The following YTHDC1 variants were observed in gnomAD, a reference collection of about 807,000 sequenced individuals.
YTHDC1 encodes the protein YTH N6-methyladenosine RNA binding protein C1, also known as YTH domain-containing protein 1.
YTHDC1 carries 12 observed loss-of-function variants against 107.0 expected under a neutral mutation model. That is an observed-to-expected ratio of 0.11 (90% CI 0.07 to 0.18). The LOEUF is 0.18. YTHDC1 is among the 10% of genes least tolerant of loss of function. The pLI is 1.00. For missense variants in YTHDC1, 635 were observed against 898.8 expected, an observed-to-expected ratio of 0.71 and a Z score of 3.75; for synonymous variants, 280 against 289.5, an observed-to-expected ratio of 0.97 and a Z score of 0.33.
At chr4:68,319,388 CTTCTT>C (rs1722203460) in intron 12 of YTHDC1, among the ~76,000 whole-genome samples, 2 of 152,120 alleles carry the variant, frequency 1.3e-5, no homozygotes, top group South Asian at 4.1e-4. Context: ...CTTTCCCCTG[CTTCTT>C]TTAATAAGAA....
intron 7 of YTHDC1, among the ~76,000 whole-genome samples, chr4:68,330,724 C>G (rs986102749): frequency 1.3e-5 from 2 of 152,086 alleles, no homozygotes; most frequent in Non-Finnish European, 2.9e-5. Flanking sequence ...TAAAATTACT[C>G]TATTAGTCAA....
chr4:68,337,089 C>A lies in YTHDC1; in HGVS notation c.821G>T (p.Gly274Val), dbSNP rs145769396. The A allele has an allele frequency of 3.7e-6, 6 of 1,613,900 alleles. No homozygotes were observed. The highest frequency in any genetic ancestry group is 5.1e-6 in the Non-Finnish European group (6 of 1,179,970). ...YDTRSEASDS[G>V]SESVSFTDGS... The stretch of plus-strand genomic sequence containing the variant: ...ATCTGTGAAGGAAACAGATTCAGAA[C>A]CAGAGTCACTGGCCTCACTTCGAGT... The change falls in exon 4 of 17, where the codon GGT becomes GTT. Residue 274 changes from glycine (G) to valine (V), a missense_variant. Transcript: ENST00000344157.
In YTHDC1 at chr4:68,322,854, T is replaced by G; in HGVS notation, c.1496A>C (p.Asp499Ala). Reference protein sequence around the residue: ...CLLFPPDESIDLYQVIHKMRH... With the variant: ...CLLFPPDESIALYQVIHKMRH... ...CATTTTATGAATGACCTGATACAAG[T>G]CAATACTTTCATCGGGGGGAAACAG... The change falls in exon 11 of 17, where the codon GAC (aspartate) becomes GCC (alanine). Residue 499 changes from aspartate to alanine, a missense_variant. Around this residue, in one of 5 missense-constraint regions of YTHDC1, gnomAD observed 256 missense variants for 372.9 expected, o/e 0.69. Transcript: ENST00000344157. This position sits in a 1 kb window ranked among gnomAD's most constrained non-coding sequence, Gnocchi z 4.8. 1 of 1,614,070 alleles carries G rather than the reference T, an allele frequency of 6.2e-7. No homozygotes were observed. Among genetic ancestry groups the G allele is most frequent in the Non-Finnish European group, 8.5e-7 (1 of 1,179,986 alleles).
chr4:68,332,574 T>C (rs1397086508), intron 6 of YTHDC1, among the ~76,000 whole-genome samples: 1 of 151,768 alleles, frequency 6.6e-6, no homozygotes, highest in African/African-American at 2.4e-5. Context: ...ACCCATCCCA[T>C]TTTGTCCAAA....
chr4:68,339,856 T>C (rs1724621557), intron 1 of YTHDC1, among the ~76,000 whole-genome samples: 1 of 152,176 alleles, frequency 6.6e-6, no homozygotes, highest in Non-Finnish European at 1.5e-5. Context: ...CTTTATTCAA[T>C]GATCATGAAA....
intron 10 of YTHDC1, 134 bp from the exon 11 acceptor site, chr4:68,323,049 A>G: frequency 1.3e-6 from 1 of 747,206 alleles, no homozygotes. Context: ...GGATTCCAAT[A>G]AGACTTCCAG....
intron 4 of YTHDC1, among the ~76,000 whole-genome samples, chr4:68,336,766 A>C (rs1214994118): frequency 1.3e-5 from 2 of 152,188 alleles, no homozygotes; most frequent in Non-Finnish European, 2.9e-5. Flanking sequence ...TCTGAAATAC[A>C]TTTCCTTATA....
chr4:68,348,519 G>C (rs1486236640), intron 1 of YTHDC1, among the ~76,000 whole-genome samples: 4 of 146,222 alleles, frequency 2.7e-5, no homozygotes, highest in South Asian at 2.2e-4. Context: ...TTAGCATTTA[G>C]TTTAAGGATG....
chr4:68,314,372 T>G, intron 16 of YTHDC1, 49 bp from the exon 17 acceptor site: 2 of 1,521,310 alleles, frequency 1.3e-6, no homozygotes, highest in Non-Finnish European at 1.8e-6. Flanking sequence ...GCAAATAGTG[T>G]TAAGTGGATC....
chr4:68,313,272 GCATAATAAAAC>G lies in YTHDC1; in HGVS notation c.*816_*826del, dbSNP rs777245218. The G allele has an allele frequency of 1.6e-4, 24 of 152,498 alleles. No homozygotes were observed. The highest frequency in any genetic ancestry group is 2.4e-4 in the Non-Finnish European group (16 of 68,008). The allele number at this position is 152,498 out of a possible 1,614,324, so 9.4% of individuals were successfully genotyped here. A position where few individuals can be genotyped will look rare whatever the true frequency, so the allele number is the denominator to read the frequency against. Reference sequence around the variant, plus strand: ...AAAGCATGCTTTTATGTCCATTATTGCATAATAAAACAAACCTGCAATTGGATAAGAAAAAG... The same window carrying G: ...AAAGCATGCTTTTATGTCCATTATTGAAACCTGCAATTGGATAAGAAAAAG... On this transcript the variant is annotated 3_prime_UTR_variant, in exon 17 of 17. Transcript: ENST00000344157.
At chr4:68,340,030 G>A (rs1724640147) in intron 1 of YTHDC1, among the ~76,000 whole-genome samples, 2 of 152,120 alleles carry the variant, frequency 1.3e-5, no homozygotes, top group Non-Finnish European at 2.9e-5. Flanking sequence ...TTTAAGGTGT[G>A]CCAAAGAGGA....
chr4:68,348,193 T>C (rs1490959100), intron 1 of YTHDC1, among the ~76,000 whole-genome samples: 1 of 152,220 alleles, frequency 6.6e-6, no homozygotes, highest in East Asian at 1.9e-4. Context: ...TGTGCATTAC[T>C]GCGTCTACTC....
chr4:68,341,978 C>G (rs1367731915), intron 1 of YTHDC1, among the ~76,000 whole-genome samples: 2 of 152,130 alleles, frequency 1.3e-5, no homozygotes, highest in African/African-American at 4.8e-5. Flanking sequence ...TTAATAAAAC[C>G]TGCCTGCCCC....
chr4:68,327,010 G>A (rs1439703089), intron 9 of YTHDC1, among the ~76,000 whole-genome samples: 2 of 150,688 alleles, frequency 1.3e-5, no homozygotes, highest in African/African-American at 2.4e-5. Context: ...GCTGAGGCGG[G>A]CGGATCACCT....
Position 68,314,079 on chromosome 4 carries a change from T to C in YTHDC1, c.*20A>G. 2.5e-6 allele frequency: 4 copies of C among 1,606,722 alleles called. No homozygotes were observed. Among genetic ancestry groups the C allele is most frequent in the Non-Finnish European group, 3.4e-6 (4 of 1,175,600 alleles). Reference sequence around the variant, plus strand: ...CAAGATTTTTTGTATCTTTAAACAATCAGTGCTTCCAAAAGCCCATTATCT... The same window carrying C: ...CAAGATTTTTTGTATCTTTAAACAACCAGTGCTTCCAAAAGCCCATTATCT... On this transcript the variant is annotated 3_prime_UTR_variant, in exon 17 of 17. Transcript: ENST00000344157.
intron 15 of YTHDC1, among the ~76,000 whole-genome samples, chr4:68,316,674 G>A (rs1721892493): frequency 6.6e-6 from 1 of 152,096 alleles, no homozygotes; most frequent in Admixed American, 6.5e-5. Flanking sequence ...AAATAACAAT[G>A]GAAATAGCAA....
In YTHDC1 at chr4:68,329,983, A is replaced by C. The variant is rs1444915501; in HGVS notation, c.1349+19T>G. Reference sequence around the variant, plus strand: ...TGTATTCAAAATTTCAGTTATCTATACTGAAGTGTATAATTTACCTGCAAA... The same window carrying C: ...TGTATTCAAAATTTCAGTTATCTATCCTGAAGTGTATAATTTACCTGCAAA... On this transcript the variant is annotated intron_variant, in intron 9 of 16. Coordinates refer to ENST00000344157, the MANE Select transcript of YTHDC1 (RefSeq NM_001031732.4). The C allele has an allele frequency of 6.4e-7, 1 of 1,572,338 alleles. No individual in the cohort carries two copies. Among genetic ancestry groups the C allele is most frequent in the Admixed American group, 1.7e-5 (1 of 59,726 alleles).
At chr4:68,318,758 A>G (rs1237979608) in intron 13 of YTHDC1, 29 bp from the exon 14 acceptor site, 1 of 1,614,040 alleles carries the variant, frequency 6.2e-7, no homozygotes, top group African/African-American at 1.3e-5. Flanking sequence ...GTGAAACTAA[A>G]TTCAGGTAAT....
At position 68,332,301 on chromosome 4, in the gene YTHDC1, T is replaced by C. The variant is rs184913961; in HGVS notation, c.1028-104A>G. 8.5e-4 allele frequency: 538 copies of C among 629,938 alleles called. 2 individuals carry two copies. In the African/African-American group the frequency reaches 9.2e-3, roughly 11 times the overall value. 39.0% of individuals were successfully genotyped at this position (629,938 alleles called of 1,614,324 possible). A position where few individuals can be genotyped will look rare whatever the true frequency, so the allele number is the denominator to read the frequency against. On this transcript the variant is annotated intron_variant, in intron 6 of 16. Transcript: ENST00000344157. ...TAGCCCTCCACAACCCAGCTAAACT[T>C]TTAAAACGCAACAATCACCCATTCA...
Sources: allele counts gnomAD v4.1 joint callset (sites outside exome capture counted in the v4.1 genomes callset), GRCh38; gene constraint gnomAD v4.1.1; regional missense constraint gnomAD v4.1.1; non-coding constraint Gnocchi (gnomAD v3.1); transcripts MANE v1.5; gene names NCBI Gene and HGNC (gene_info 2026-07-23, HGNC 2026-07-21).